The following SUPT3H variants were observed in gnomAD, a reference collection of about 807,000 sequenced individuals.
SUPT3H encodes the protein SPT3 homolog, SAGA and STAGA complex component.
SUPT3H carries 44 observed loss-of-function variants against 44.3 expected under a neutral mutation model. That is an observed-to-expected ratio of 0.99 (90% CI 0.78 to 1.28). The LOEUF is 1.28. SUPT3H is among the 50% of genes most tolerant of loss of function. The pLI is 0.00. For missense variants in SUPT3H, 380 were observed against 387.1 expected, an observed-to-expected ratio of 0.98 and a Z score of 0.15; for synonymous variants, 124 against 125.6, an observed-to-expected ratio of 0.99 and a Z score of 0.09.
intron 10 of SUPT3H, among the ~76,000 whole-genome samples, chr6:44,897,421 C>T (rs112319137): frequency 0.025 from 3,739 of 152,214 alleles, 165 homozygotes; most frequent in African/African-American, 0.084. Context: ...TGGCTGTGGT[C>T]TTTTATCCAA....
At chr6:45,026,357 A>G (rs1030190214) in intron 3 of SUPT3H, among the ~76,000 whole-genome samples, 1 of 152,168 alleles carries the variant, frequency 6.6e-6, no homozygotes, top group Non-Finnish European at 1.5e-5. Flanking sequence ...AGATACATCA[A>G]ATAAGTTCTC....
chr6:45,068,871 C>G (rs981175685), intron 3 of SUPT3H, among the ~76,000 whole-genome samples: 17 of 151,632 alleles, frequency 1.1e-4, no homozygotes, highest in African/African-American at 4.1e-4. Flanking sequence ...AATTACTAAT[C>G]AGTAGAATGT....
intron 2 of SUPT3H, among the ~76,000 whole-genome samples, chr6:45,260,088 C>G (rs1774103083): frequency 6.6e-6 from 1 of 152,160 alleles, no homozygotes. Flanking sequence ...CTCCTGCTTT[C>G]ACCAGTAAAA....
At chr6:45,070,688 T>C (rs1414920997) in intron 3 of SUPT3H, among the ~76,000 whole-genome samples, 2 of 143,084 alleles carry the variant, frequency 1.4e-5, no homozygotes, top group Non-Finnish European at 3.0e-5. Flanking sequence ...TGAGCTGAGA[T>C]TGCACCACTG....
intron 2 of SUPT3H, among the ~76,000 whole-genome samples, chr6:45,217,081 A>G (rs1765180533): frequency 6.6e-6 from 1 of 152,218 alleles, no homozygotes. Context: ...ATATTGCTCA[A>G]TGCCCCATAG....
Position 44,864,377 on chromosome 6 carries a change from T to C in SUPT3H, c.913-34520A>G, listed in dbSNP as rs184180579. On this transcript the variant is annotated intron_variant, in intron 10 of 10. Coordinates refer to ENST00000371459, the MANE Select transcript of SUPT3H (RefSeq NM_003599.4). Reference sequence around the variant, plus strand: ...AGTCTGGAGGATGGTGACCCTCTTCTCACAGCTCCACTAGGTGATGCCCCA... The same window carrying C: ...AGTCTGGAGGATGGTGACCCTCTTCCCACAGCTCCACTAGGTGATGCCCCA... 2.1e-4 allele frequency among the ~76,000 whole-genome samples: 32 copies of C among 152,336 alleles called. No homozygotes were observed. The East Asian group carries it at 6.0e-3, about 28-fold the overall frequency.
intron 3 of SUPT3H, among the ~76,000 whole-genome samples, chr6:45,100,282 TA>T (rs1203284113): frequency 1.3e-5 from 2 of 151,910 alleles, no homozygotes; most frequent in African/African-American, 2.4e-5. Context: ...AATCAAGAGT[TA>T]AGAGACAACC....
At chr6:44,919,883 CTTTTTTA>C (rs946415278) in intron 10 of SUPT3H, among the ~76,000 whole-genome samples, 5 of 151,716 alleles carry the variant, frequency 3.3e-5, no homozygotes, top group Admixed American at 1.3e-4. Context: ...TTTCTTTTTT[CTTTTTTA>C]TTTTTTGAGA....
intron 2 of SUPT3H, among the ~76,000 whole-genome samples, chr6:45,286,792 C>T (rs1393625860): frequency 1.1e-4 from 17 of 152,130 alleles, no homozygotes; most frequent in Admixed American, 3.9e-4. Flanking sequence ...CACATGCACA[C>T]GTATGTTTAT....
At chr6:45,316,550 A>G (rs1038829339) in intron 2 of SUPT3H, among the ~76,000 whole-genome samples, 24 of 152,192 alleles carry the variant, frequency 1.6e-4, no homozygotes, top group African/African-American at 5.3e-4. Context: ...ACTCTGGAAT[A>G]AACTGTTAGA....
chr6:45,127,491 C>T (rs143696069), intron 2 of SUPT3H, among the ~76,000 whole-genome samples: 3 of 152,052 alleles, frequency 2.0e-5, no homozygotes, highest in Non-Finnish European at 4.4e-5. Context: ...AAATGATGCA[C>T]TAAGAGATTA....
intron 2 of SUPT3H, among the ~76,000 whole-genome samples, chr6:45,137,760 A>G (rs1804545534): frequency 6.6e-6 from 1 of 151,930 alleles, no homozygotes; most frequent in Non-Finnish European, 1.5e-5. Context: ...AATAAACAGC[A>G]AAAAAGGCAG....
At chr6:45,238,536 A>T (rs1307795045) in intron 2 of SUPT3H, among the ~76,000 whole-genome samples, 1 of 152,194 alleles carries the variant, frequency 6.6e-6, no homozygotes, top group Admixed American at 6.5e-5. Flanking sequence ...CAGCTGATTG[A>T]AAGGCAAGTC....
At chr6:45,132,587 G>A (rs1285005) in intron 2 of SUPT3H, among the ~76,000 whole-genome samples, 132,284 of 152,158 alleles carry the variant, frequency 0.87, 57,748 homozygotes, top group African/African-American at 0.91. Context: ...CAATTTTAGT[G>A]ATATTTCTAC....
At position 44,928,882 on chromosome 6, in the gene SUPT3H, C is replaced by CAAAATAAAAAAAAAAAAA. The variant is rs1491206167; in HGVS notation, c.912+3770_912+3771insTTTTTTTTTTTTTATTTT. Among the ~76,000 whole-genome samples, 18 of 20,626 alleles carry CAAAATAAAAAAAAAAAAA rather than the reference C, an allele frequency of 8.7e-4. 3 individuals carry two copies. Among genetic ancestry groups the CAAAATAAAAAAAAAAAAA allele is most frequent in the African/African-American group, 3.1e-3 (10 of 3,178 alleles). The allele number at this position is 20,626 out of a possible 152,430, so 13.5% of individuals were successfully genotyped here. On this transcript the variant is annotated intron_variant, in intron 10 of 10. Transcript: ENST00000371459. ...TGGGCGACAGAACGAGACTCCGTCT[C>CAAAATAAAAAAAAAAAAA]AAAAAAAAAAAAAAAAAAAAAAGAA... is the stretch of plus-strand genomic sequence containing the variant.
At chr6:45,277,453 A>T (rs1465356003) in intron 2 of SUPT3H, among the ~76,000 whole-genome samples, 1 of 152,190 alleles carries the variant, frequency 6.6e-6, no homozygotes, top group Non-Finnish European at 1.5e-5. Context: ...AAAATAGATG[A>T]CAATCAGTGG....
chr6:44,818,575 G>T (rs1767062232), intron 11 of SUPT3H, among the ~76,000 whole-genome samples: 1 of 152,142 alleles, frequency 6.6e-6, no homozygotes, highest in South Asian at 2.1e-4. Flanking sequence ...TAATAGATCT[G>T]TATCTAAAAG....
intron 2 of SUPT3H, among the ~76,000 whole-genome samples, chr6:45,283,298 AT>A (rs1417713962): frequency 1.3e-4 from 20 of 152,348 alleles, no homozygotes; most frequent in Admixed American, 1.3e-3. Flanking sequence ...GCCAAACTGG[AT>A]AAAAAGTCAA....
chr6:45,165,669 T>C (rs1389964553), intron 2 of SUPT3H, among the ~76,000 whole-genome samples: 1 of 151,698 alleles, frequency 6.6e-6, no homozygotes, highest in African/African-American at 2.4e-5. Context: ...AAATATCAAA[T>C]GAAAGCGCTA....
Sources: gnomAD v4.1 joint callset for allele counts (sites outside exome capture counted in the v4.1 genomes callset) on GRCh38, gnomAD v4.1.1 for gene constraint, MANE v1.5 for transcripts, NCBI Gene and HGNC (gene_info 2026-07-23, HGNC 2026-07-21) for gene names.